ABAT: variants seen among roughly 807,000 people sequenced by gnomAD.
ABAT encodes the protein 4-aminobutyrate aminotransferase, mitochondrial.
In ABAT, 45 loss-of-function variants were observed where a neutral mutation model predicts 64.6. The ratio of observed to expected loss-of-function variants is 0.70; its 90% confidence interval spans 0.55 to 0.89. The LOEUF (loss-of-function observed/expected upper bound fraction) is 0.89, where lower values mean the gene tolerates loss of function less well. ABAT is among the 40% of genes least tolerant of loss of function. The pLI, the probability that ABAT is intolerant of heterozygous loss-of-function variation, is 0.00. For missense variants in ABAT, 633 were observed against 658.4 expected (o/e 0.96, Z 0.42); for synonymous variants, 297 against 250.5 (o/e 1.19, Z -1.75).
intron 9 of ABAT, 86 bp downstream of exon 9, chr16:8,766,356 T>G: frequency 7.2e-7 from 1 of 1,381,042 alleles, no homozygotes; most frequent in Non-Finnish European, 1.0e-6. Context: ...GGCACTGTCC[T>G]CAATTAGGAA....
intron 1 of ABAT, among the ~76,000 whole-genome samples, chr16:8,691,461 A>T (rs2141976251): frequency 6.6e-6 from 1 of 151,726 alleles, no homozygotes; most frequent in African/African-American, 2.4e-5. Context: ...TTTTTCCAAG[A>T]CAGACTCTCA....
chr16:8,743,423 T>TTTTATATATATATATATATATATATA lies in ABAT; in HGVS notation c.71-2577_71-2576insTTATATATATATATATATATATATAT, dbSNP rs1288241223. Among the ~76,000 whole-genome samples, 3 of 45,296 alleles carry TTTTATATATATATATATATATATATA rather than the reference T, an allele frequency of 6.6e-5. No individual in the cohort carries two copies. The Admixed American group carries it at 8.9e-4, about 13-fold the overall frequency. 29.7% of individuals were successfully genotyped at this position (45,296 alleles called of 152,430 possible). On this transcript the variant is annotated intron_variant, in intron 2 of 15. Transcript: ENST00000268251. ...GTCCCCTCTTGTGTAATGGAAACAG[T>TTTTATATATATATATATATATATATA]TATATATATATATATATATATACAC...
At chr16:8,714,537 C>G (rs1689876298) in intron 1 of ABAT, 2 of 152,230 alleles carry the variant, frequency 1.3e-5, no homozygotes, top group Admixed American at 6.5e-5. Context: ...CAGCCTATGC[C>G]CCAAGAGGCA....
chr16:8,752,998 G>A (rs1596456323), intron 5 of ABAT, among the ~76,000 whole-genome samples: 1 of 152,000 alleles, frequency 6.6e-6, no homozygotes, highest in East Asian at 1.9e-4. Context: ...ATGGGCCCGA[G>A]TCTCAAGAGC....
chr16:8,741,629 A>G (rs1230889130), intron 2 of ABAT, among the ~76,000 whole-genome samples: 1 of 152,226 alleles, frequency 6.6e-6, no homozygotes, highest in African/African-American at 2.4e-5. Context: ...GATCCAAGAG[A>G]AGGTTTACTT....
chr16:8,752,234 T>G (rs1255066315), intron 5 of ABAT, among the ~76,000 whole-genome samples: 1 of 152,238 alleles, frequency 6.6e-6, no homozygotes, highest in East Asian at 1.9e-4. Context: ...CATTCAGGAA[T>G]GCCTCAGCTA....
intron 5 of ABAT, among the ~76,000 whole-genome samples, chr16:8,753,607 C>T (rs2059555192): frequency 6.6e-6 from 1 of 152,224 alleles, no homozygotes; most frequent in Non-Finnish European, 1.5e-5. Context: ...TCTCCAAAGG[C>T]AGAAAAGTCA....
chr16:8,681,834 G>C (rs1050245655), intron 1 of ABAT, among the ~76,000 whole-genome samples: 1 of 151,916 alleles, frequency 6.6e-6, no homozygotes, highest in African/African-American at 2.4e-5. Flanking sequence ...TGGAGACAGG[G>C]TTTCACCATG....
Position 8,774,141 on chromosome 16 carries a change from C to G in ABAT, c.955-749C>G, listed in dbSNP as rs140263939. Among the ~76,000 whole-genome samples, 4 of 152,250 alleles carry G rather than the reference C, an allele frequency of 2.6e-5. No homozygotes were observed. The East Asian group carries it at 7.7e-4, about 29-fold the overall frequency. On this transcript the variant is annotated intron_variant, in intron 12 of 15. Coordinates refer to ENST00000268251, the MANE Select transcript of ABAT (RefSeq NM_020686.6). ...ACGGGGTTTCGCCATGTTGGCCAGGCTGATTGGCTCAGACTCCTGGCCTTG... is the reference window on the plus strand; with the variant it reads ...ACGGGGTTTCGCCATGTTGGCCAGGGTGATTGGCTCAGACTCCTGGCCTTG...
At chr16:8,705,240 C>T (rs2057912920) in intron 1 of ABAT, among the ~76,000 whole-genome samples, 1 of 152,070 alleles carries the variant, frequency 6.6e-6, no homozygotes, top group Non-Finnish European at 1.5e-5. Context: ...GAAGCAGGCA[C>T]CTTCTTCACA....
chr16:8,735,727 C>A lies in ABAT; in HGVS notation c.-13C>A. 6.3e-7 allele frequency: 1 copy of A among 1,595,594 alleles called. No homozygotes were observed. Among genetic ancestry groups the A allele is most frequent in the South Asian group, 1.1e-5 (1 of 88,008 alleles). ...GGCAGCACGCAAAGGGTGTCCCTGT[C>A]CCTCAAGGGGTCATGGCCTCCATGT... On this transcript the variant is annotated 5_prime_UTR_variant, in exon 2 of 16. Coordinates refer to ENST00000268251, the MANE Select transcript of ABAT (RefSeq NM_020686.6).
intron 1 of ABAT, among the ~76,000 whole-genome samples, chr16:8,702,820 A>G (rs572178770): frequency 5.3e-5 from 8 of 152,248 alleles, no homozygotes; most frequent in East Asian, 3.9e-4. Context: ...TCTGGCTCCT[A>G]TGTTGATTGC....
intron 11 of ABAT, among the ~76,000 whole-genome samples, chr16:8,769,855 G>C (rs776402735): frequency 8.5e-5 from 13 of 152,144 alleles, no homozygotes; most frequent in Non-Finnish European, 1.6e-4. Context: ...CACTGTTTGG[G>C]TATAGATTTG....
chr16:8,703,943 C>T (rs550415947), intron 1 of ABAT, among the ~76,000 whole-genome samples: 7 of 152,342 alleles, frequency 4.6e-5, no homozygotes, highest in African/African-American at 1.4e-4. Context: ...AGGCCAGTGG[C>T]CATAGTTGTG....
intron 2 of ABAT, among the ~76,000 whole-genome samples, chr16:8,739,299 C>T (rs2059089096): frequency 6.6e-6 from 1 of 152,214 alleles, no homozygotes; most frequent in African/African-American, 2.4e-5. Context: ...GGATTGCTAC[C>T]TTCACCACAC....
chr16:8,731,086 C>T (rs1341444892), intron 1 of ABAT, among the ~76,000 whole-genome samples: 1 of 152,138 alleles, frequency 6.6e-6, no homozygotes, highest in African/African-American at 2.4e-5. Flanking sequence ...CCTCAGACTC[C>T]TGAGTAGCTG....
intron 4 of ABAT, among the ~76,000 whole-genome samples, chr16:8,750,211 AAAAAT>A (rs1567302831): frequency 6.6e-6 from 1 of 152,224 alleles, no homozygotes; most frequent in Non-Finnish European, 1.5e-5. Context: ...AAAATTCATA[AAAAAT>A]AAAATCACAG....
chr16:8,698,494 C>G (rs1013545876), intron 1 of ABAT, among the ~76,000 whole-genome samples: 21 of 152,148 alleles, frequency 1.4e-4, no homozygotes, highest in African/African-American at 4.8e-4. Flanking sequence ...CCGCCACACC[C>G]AGCTAATTCT....
At chr16:8,683,126 C>G (rs893499292) in intron 1 of ABAT, 1 of 152,156 alleles carries the variant, frequency 6.6e-6, no homozygotes, top group African/African-American at 2.4e-5. Flanking sequence ...TCGCTTTACC[C>G]GTGGGAAACC....
Sources: gnomAD v4.1 joint callset for allele counts (sites outside exome capture counted in the v4.1 genomes callset) on GRCh38, gnomAD v4.1.1 for gene constraint, MANE v1.5 for transcripts, NCBI Gene and HGNC (gene_info 2026-07-23, HGNC 2026-07-21) for gene names.